Variants in NCAPD3 observed in about 807,000 individuals in gnomAD.
NCAPD3 encodes condensin-2 complex subunit D3.
In NCAPD3, 105 loss-of-function variants were observed where a neutral mutation model predicts 182.9. The ratio of observed to expected loss-of-function variants is 0.57; its 90% CI spans 0.49 to 0.68. The LOEUF (loss-of-function observed/expected upper bound fraction) is 0.68, where lower values mean the gene tolerates loss of function less well. Ranked by LOEUF, NCAPD3 falls within the 30% of genes least tolerant of loss-of-function variation. The pLI, the probability that NCAPD3 is intolerant of heterozygous loss-of-function variation, is 0.00. For synonymous variants in NCAPD3, 815 were observed against 679.9 expected, an observed-to-expected ratio of 1.20 and a Z score of -3.09; for missense variants, 1,944 against 1,837.0, an observed-to-expected ratio of 1.06 and a Z score of -1.07.
intron 7 of NCAPD3, among the ~76,000 whole-genome samples, chr11:134,207,105 CT>C (rs950848303): frequency 5.3e-5 from 8 of 152,158 alleles, no homozygotes; most frequent in Non-Finnish European, 1.0e-4. Flanking sequence ...TACTTTACAC[CT>C]GCTTTTTGCC....
intron 27 of NCAPD3, among the ~76,000 whole-genome samples, chr11:134,166,935 G>GA (rs1433845908): frequency 1.7e-4 from 22 of 126,080 alleles, no homozygotes; most frequent in South Asian, 5.7e-4. Context: ...TGAGCTTAGG[G>GA]GAGCTGCACA....
upstream of NCAPD3, chr11:134,225,035 G>C: frequency 2.3e-6 from 3 of 1,284,046 alleles, no homozygotes; most frequent in Non-Finnish European, 3.1e-6. Context: ...CTCGCGCATC[G>C]GGCCCTCTGG....
At chr11:134,197,273 C>CTTTTTTT (rs35691982) in intron 13 of NCAPD3, among the ~76,000 whole-genome samples, 3 of 111,976 alleles carry the variant, frequency 2.7e-5, no homozygotes, top group Admixed American at 9.7e-5. Flanking sequence ...AGTCTCACAT[C>CTTTTTTT]TTTTTTTTTT....
At chr11:134,184,604 G>C in intron 19 of NCAPD3, 33 bp downstream of exon 19, 1 of 1,461,858 alleles carries the variant, frequency 6.8e-7, no homozygotes, top group Non-Finnish European at 9.4e-7. Flanking sequence ...GCTCAAAGAA[G>C]TCAGAAACAT....
In NCAPD3 at chr11:134,157,113, C is replaced by G. The variant is rs375471068; in HGVS notation, c.4175-18G>C. 13 of 1,596,192 alleles carry G rather than the reference C, an allele frequency of 8.1e-6. No homozygotes were observed. The highest frequency in any genetic ancestry group is 9.4e-6 in the Non-Finnish European group (11 of 1,167,278). ...TGAAGACACTAGAACAGAAAAGGTG[C>G]TGCTATCCAGAAATACCCCCAAACA... On this transcript the variant is annotated intron_variant, in intron 31 of 34. Coordinates refer to ENST00000534548, the MANE Select transcript of NCAPD3 (RefSeq NM_015261.3).
intron 4 of NCAPD3, 30 bp from the exon 5 acceptor site, chr11:134,209,507 G>C (rs1358267978): frequency 6.3e-7 from 1 of 1,579,968 alleles, no homozygotes. Flanking sequence ...ACAGGTGACT[G>C]TAATAAATGC....
rs1486500627 is a variant in NCAPD3 at position 134,157,046 on chromosome 11, C to G, written c.4224G>C (p.Val1408=). The change falls in exon 32 of 35, where the codon GTG becomes GTC. Residue 1408 remains valine, a synonymous_variant. Transcript: ENST00000534548. ...CGGGGGTGCTGATGGCCCGCTTGGT[C>G]ACGTGCTCAATCTCGCCATTCGACT... The part of the protein sequence containing the change: ...EQESNGEIEH[V]TKRAISTPEK... 1 of 1,613,614 alleles carries G rather than the reference C, an allele frequency of 6.2e-7. No homozygotes were observed. Among genetic ancestry groups the G allele is most frequent in the South Asian group, 1.1e-5 (1 of 90,974 alleles).
At chr11:134,213,832 C>T (rs765744743) in intron 3 of NCAPD3, among the ~76,000 whole-genome samples, 33 of 152,062 alleles carry the variant, frequency 2.2e-4, no homozygotes, top group Non-Finnish European at 4.0e-4. Flanking sequence ...ACCAGACAAA[C>T]AAGGACATAA....
At chr11:134,203,967 T>G (rs1352803522) in intron 10 of NCAPD3, 61 bp from the exon 11 acceptor site, 2 of 1,599,042 alleles carry the variant, frequency 1.3e-6, no homozygotes, top group Non-Finnish European at 8.5e-7. Context: ...AGAACCCTCC[T>G]CATTCAGACC....
rs1415732719 is a variant in NCAPD3 at position 134,151,713 on chromosome 11, ATTTG to A, written c.*1227_*1230del. 6.6e-6 allele frequency: 1 copy of A among 152,198 alleles called. No homozygotes were observed. Among genetic ancestry groups the A allele is most frequent in the Admixed American group, 6.5e-5 (1 of 15,278 alleles). 9.4% of individuals were successfully genotyped at this position (152,198 alleles called of 1,614,324 possible). A position where few individuals can be genotyped will look rare whatever the true frequency, so the allele number is the denominator to read the frequency against. ...TTGTACTAACACACCGTAATTTGGC[ATTTG>A]TTTAACCTCATTTATAAAAGCTTCA... On this transcript the variant is annotated 3_prime_UTR_variant, in exon 35 of 35. Coordinates refer to ENST00000534548, the MANE Select transcript of NCAPD3 (RefSeq NM_015261.3).
chr11:134,181,562 T>G (rs1944297739), intron 19 of NCAPD3, among the ~76,000 whole-genome samples: 1 of 152,304 alleles, frequency 6.6e-6, no homozygotes, highest in Non-Finnish European at 1.5e-5. Context: ...GATGATGAAT[T>G]AACTACTGTG....
In NCAPD3 at chr11:134,177,336, G is replaced by C; in HGVS notation, c.2904C>G (p.Leu968=). The change falls in exon 23 of 35, where the codon CTC becomes CTG. Residue 968 remains leucine (L), a synonymous_variant. Coordinates refer to ENST00000534548, the MANE Select transcript of NCAPD3 (RefSeq NM_015261.3). ...RNNVIIVMCD[L]CIRYTIMVDK... is the part of the protein sequence containing the mutation. Reference sequence around the variant, plus strand: ...CCACCATGATGGTGTAGCGAATGCAGAGATCGCACATTACAATGATGACGT... The same window carrying C: ...CCACCATGATGGTGTAGCGAATGCACAGATCGCACATTACAATGATGACGT... 1 of 1,614,236 alleles carries C rather than the reference G, an allele frequency of 6.2e-7. No individual in the cohort carries two copies. Among genetic ancestry groups the C allele is most frequent in the Non-Finnish European group, 8.5e-7 (1 of 1,180,050 alleles).
chr11:134,223,460 G>A (rs1938320636), intron 1 of NCAPD3: 1 of 702,550 alleles, frequency 1.4e-6, no homozygotes, highest in South Asian at 1.5e-5. Flanking sequence ...GATGATGTCT[G>A]CATGTGAGAC....
Position 134,204,108 on chromosome 11 carries a change from G to T in NCAPD3, c.1153C>A (p.Leu385Ile), listed in dbSNP as rs781242347. 10 of 1,613,976 alleles carry T rather than the reference G, an allele frequency of 6.2e-6. No individual in the cohort carries two copies. The highest frequency in any genetic ancestry group is 8.5e-6 in the Non-Finnish European group (10 of 1,179,982). ...AQSLVQLLSKLPCGEYAMFIA... is the reference protein window; with the variant it reads ...AQSLVQLLSKIPCGEYAMFIA... ...AACATAGCGTATTCCCCACAAGGAAGTTTACTGAGCAGCTGGACTAGGGAC... is the reference window on the plus strand; with the variant it reads ...AACATAGCGTATTCCCCACAAGGAATTTTACTGAGCAGCTGGACTAGGGAC... Residue 385 changes from leucine (L) to isoleucine (I), a missense_variant, in exon 10 of 35, where the codon CTT becomes ATT. By Grantham distance (5) the Leu-to-Ile change is conservative. Transcript: ENST00000534548. This position sits in a 1 kb window ranked among gnomAD's most constrained non-coding sequence, Gnocchi z 4.3.
chr11:134,167,551 G>A (rs866477560), intron 27 of NCAPD3, among the ~76,000 whole-genome samples: 3 of 136,514 alleles, frequency 2.2e-5, no homozygotes, highest in African/African-American at 2.8e-5. Context: ...AGATGAGCTC[G>A]GGGGAGCTGC....
At chr11:134,153,233 T>C in intron 33 of NCAPD3, 33 bp from the exon 34 acceptor site, 2 of 1,613,934 alleles carry the variant, frequency 1.2e-6, no homozygotes, top group Non-Finnish European at 1.7e-6. Flanking sequence ...CATTCAGCTT[T>C]CCCAGAACCT....
intron 3 of NCAPD3, among the ~76,000 whole-genome samples, chr11:134,213,628 TAAA>T (rs1010706712): frequency 7.5e-6 from 1 of 133,316 alleles, no homozygotes; most frequent in Non-Finnish European, 1.6e-5. Context: ...TCGTCTCTCT[TAAA>T]AAAAAAAAAA....
chr11:134,224,979 C>T, upstream of NCAPD3: 1 of 612,776 alleles, frequency 1.6e-6, no homozygotes, highest in Non-Finnish European at 2.3e-6. Flanking sequence ...CGCCCACTGC[C>T]CGGCGGCAGC....
At chr11:134,225,070 G>C, upstream of NCAPD3, 2 of 1,521,616 alleles carry the variant, frequency 1.3e-6, no homozygotes, top group South Asian at 2.4e-5. Flanking sequence ...GGCAGCCCGC[G>C]CCCCGGTGCG....
Sources: gnomAD v4.1 joint callset for allele counts (sites outside exome capture counted in the v4.1 genomes callset) on GRCh38, gnomAD v4.1.1 for gene constraint, Gnocchi (gnomAD v3.1) non-coding constraint, MANE v1.5 for transcripts, NCBI Gene and HGNC (gene_info 2026-07-23, HGNC 2026-07-21) for gene names.